Variants in DNAH8 observed in about 807,000 individuals in gnomAD.
The protein encoded by DNAH8 is axonemal beta dynein heavy chain 8.
A neutral mutation model predicts 562.1 loss-of-function variants in DNAH8; 382 were observed. The ratio of observed to expected loss-of-function variants is 0.68; its 90% CI spans 0.63 to 0.74. The LOEUF (loss-of-function observed/expected upper bound fraction) is 0.74. Ranked by LOEUF, DNAH8 falls within the 30% of genes least tolerant of loss-of-function variation. The pLI is 0.00. For synonymous variants in DNAH8, 1,881 were observed against 1,919.4 expected, an observed-to-expected ratio of 0.98 and a Z score of 0.52; for missense variants, 5,203 against 5,620.4, an observed-to-expected ratio of 0.93 and a Z score of 2.37.
chr6:39,015,523 A>G (rs1419087408), intron 91 of DNAH8, among the ~76,000 whole-genome samples: 1 of 152,084 alleles, frequency 6.6e-6, no homozygotes, highest in African/African-American at 2.4e-5. Flanking sequence ...ATGGTTTAAT[A>G]AGTGTTTGGC....
rs763427413 is a variant in DNAH8 at position 38,945,485 on chromosome 6, T to C, written c.12026T>C (p.Leu4009Pro). The change falls in exon 80 of 93, where the codon CTG becomes CCG. Residue 4009 changes from leucine (L) to proline (P), a missense_variant. Physicochemically the swap from Leu to Pro is moderately conservative, Grantham distance 98 (BLOSUM62 -3). Around this residue, in one of 6 missense-constraint regions of DNAH8, gnomAD observed 1,399 missense variants for 1,518.4 expected, o/e 0.92. Transcript: ENST00000327475. ...TCCCCAGGGGGAGCAGCTCTGGACC[T>C]GAAAGCCTGTCCTCCCAAACCCTAT... is the stretch of plus-strand genomic sequence containing the variant. ...ALIKGGAALD[L>P]KACPPKPYRW... The C allele has an allele frequency of 6.2e-7, 1 of 1,614,156 alleles. No individual in the cohort carries two copies. The highest frequency in any genetic ancestry group is 1.1e-5 in the South Asian group (1 of 91,074).
In DNAH8 at chr6:38,850,250, G is replaced by T; in HGVS notation, c.5200-1G>T. The T allele has an allele frequency of 1.9e-6, 3 of 1,611,916 alleles. No individual in the cohort carries two copies. Among genetic ancestry groups the T allele is most frequent in the Non-Finnish European group, 2.5e-6 (3 of 1,178,902 alleles). On this transcript the variant is annotated splice_acceptor_variant, in intron 37 of 92. Coordinates refer to ENST00000327475, the MANE Select transcript of DNAH8 (RefSeq NM_001206927.2). LOFTEE classifies it high-confidence loss of function. ...TTTACTGGCTATGGATGCATTTTCA[G>T]GAAGCAAAACGTTTTCAGAATATTG...
At chr6:38,730,872 C>G (rs890728272) in intron 4 of DNAH8, among the ~76,000 whole-genome samples, 5 of 152,128 alleles carry the variant, frequency 3.3e-5, no homozygotes, top group Admixed American at 2.6e-4. Context: ...CCTCACCTGG[C>G]TTTTTCAGAT....
intron 12 of DNAH8, 134 bp downstream of exon 12, chr6:38,770,693 T>C: frequency 1.3e-6 from 1 of 782,014 alleles, no homozygotes; most frequent in Non-Finnish European, 1.8e-6. Flanking sequence ...TAATATTACT[T>C]ATAGGTCACT....
chr6:39,006,864 A>G (rs1237909921), intron 88 of DNAH8, among the ~76,000 whole-genome samples: 1 of 152,082 alleles, frequency 6.6e-6, no homozygotes, highest in Admixed American at 6.5e-5. Flanking sequence ...TTACCCTTAT[A>G]CTGAGGTTGT....
intron 37 of DNAH8, 93 bp downstream of exon 37, chr6:38,848,894 G>A (rs1775519127): frequency 7.9e-7 from 1 of 1,266,322 alleles, no homozygotes. Context: ...TATGGTCAAG[G>A]CTTGACTATG....
At position 38,918,116 on chromosome 6, in the gene DNAH8, C is replaced by A. The variant is rs202065447; in HGVS notation, c.10500C>A (p.Ile3500=). The change falls in exon 70 of 93, where the codon ATC becomes ATA. Residue 3500 remains isoleucine (I), a synonymous_variant. Coordinates refer to ENST00000327475, the MANE Select transcript of DNAH8 (RefSeq NM_001206927.2). ...TTGCTATGGCAATATTTTATGGCAT[C>A]AATAGAGAAGTGTTGCCTCTGAAGG... The part of the protein sequence containing the change: ...WTLAMAIFYG[I]NREVLPLKAN... 124 of 1,612,896 alleles carry A rather than the reference C, an allele frequency of 7.7e-5. No homozygotes were observed. Among genetic ancestry groups the A allele is most frequent in the Non-Finnish European group, 1.5e-5 (18 of 1,179,414 alleles).
At chr6:38,827,567 C>T (rs965445940) in intron 29 of DNAH8, among the ~76,000 whole-genome samples, 1 of 151,660 alleles carries the variant, frequency 6.6e-6, no homozygotes, top group Non-Finnish European at 1.5e-5. Context: ...TTTCTTGAAC[C>T]CATTGAGAGT....
chr6:39,001,098 G>T (rs1022536848), intron 88 of DNAH8, among the ~76,000 whole-genome samples: 4 of 152,132 alleles, frequency 2.6e-5, no homozygotes, highest in Non-Finnish European at 4.4e-5. Context: ...AGGGAGGGGG[G>T]TGCTTAAAGA....
At chr6:38,777,743 T>C (rs1209555383) in intron 13 of DNAH8, among the ~76,000 whole-genome samples, 1 of 152,200 alleles carries the variant, frequency 6.6e-6, no homozygotes, top group Non-Finnish European at 1.5e-5. Flanking sequence ...ATGGTGGGAC[T>C]CTTGAAAGAA....
In DNAH8 at chr6:38,906,266, G is replaced by T; in HGVS notation, c.9207G>T (p.Val3069=). The T allele has an allele frequency of 6.3e-7, 1 of 1,591,778 alleles. No homozygotes were observed. Residue 3069 remains valine, a synonymous_variant, in exon 63 of 93, where the codon GTG becomes GTT. Transcript: ENST00000327475. ...TTTTTCTTCTTAGGTCTTACAATGT[G>T]ACTAATCTAACAGATGATTTAAAAG... ...FQITLTRSYN[V]TNLTDDLKAL...
chr6:38,839,538 A>G (rs1005834740), intron 33 of DNAH8, among the ~76,000 whole-genome samples: 4 of 151,892 alleles, frequency 2.6e-5, no homozygotes, highest in Non-Finnish European at 4.4e-5. Flanking sequence ...AAAATTTTTT[A>G]TACATACAGG....
At chr6:38,995,783 T>C (rs16891370) in intron 88 of DNAH8, among the ~76,000 whole-genome samples, 23,537 of 152,184 alleles carry the variant, frequency 0.15, 2,294 homozygotes, top group East Asian at 0.51. Flanking sequence ...ACACTAGCTC[T>C]GTAGACCTTG....
chr6:38,772,971 C>CTTATTTTTTTTTTTTTTT (rs1767712742), intron 12 of DNAH8, among the ~76,000 whole-genome samples: 1 of 88,088 alleles, frequency 1.1e-5, no homozygotes, highest in Non-Finnish European at 2.1e-5. Flanking sequence ...GCTAATTAAA[C>CTTATTTTTTTTTTTTTTT]TTTTTTTTTT....
intron 28 of DNAH8, among the ~76,000 whole-genome samples, chr6:38,823,984 C>T (rs1489176645): frequency 8.5e-5 from 13 of 152,088 alleles, no homozygotes; most frequent in Admixed American, 6.6e-5. Flanking sequence ...CTACACAGGA[C>T]GATTCCTCCA....
At chr6:38,929,370 T>C (rs1328180061) in intron 74 of DNAH8, 141 bp from the exon 75 acceptor site, 2 of 806,064 alleles carry the variant, frequency 2.5e-6, no homozygotes, top group African/African-American at 3.6e-5. Context: ...AATTTTTGTA[T>C]GTTACTTTAA....
At chr6:38,983,080 G>A (rs906081010) in intron 86 of DNAH8, among the ~76,000 whole-genome samples, 4 of 152,182 alleles carry the variant, frequency 2.6e-5, no homozygotes, top group Admixed American at 6.5e-5. Context: ...AGCTGAGAAC[G>A]TAAAATCTGT....
In DNAH8 at chr6:38,872,588, G is replaced by C. The variant is rs1342509606; in HGVS notation, c.7043G>C (p.Gly2348Ala). 1 of 1,614,078 alleles carries C rather than the reference G, an allele frequency of 6.2e-7. No individual in the cohort carries two copies. Among genetic ancestry groups the C allele is most frequent in the Non-Finnish European group, 8.5e-7 (1 of 1,179,958 alleles). The change falls in exon 50 of 93, where the codon GGT becomes GCT. Residue 2348 changes from glycine (G) to alanine (A), a missense_variant. This residue lies in a region of DNAH8 where 2,176 missense variants were observed against 2,365.1 expected (regional missense o/e 0.92). Transcript: ENST00000327475. The stretch of plus-strand genomic sequence containing the variant: ...GGCTTGATGACTCTTGGGCCCAGTG[G>C]TTCTGGAAAGACAACCGTTATCACG... ...RHGLMTLGPS[G>A]SGKTTVITIL...
At chr6:39,009,774 G>T (rs1422059114) in intron 89 of DNAH8, among the ~76,000 whole-genome samples, 1 of 152,098 alleles carries the variant, frequency 6.6e-6, no homozygotes, top group Non-Finnish European at 1.5e-5. Context: ...ATGTTTTATT[G>T]CCTCTTAAAA....
Sources: allele counts gnomAD v4.1 joint callset (sites outside exome capture counted in the v4.1 genomes callset), GRCh38; gene constraint gnomAD v4.1.1; regional missense constraint gnomAD v4.1.1; transcripts MANE v1.5; gene names NCBI Gene and HGNC (gene_info 2026-07-23, HGNC 2026-07-21).